MAPDA: variants seen among roughly 807,000 people sequenced by gnomAD.
The protein encoded by MAPDA is N6,N6-dimethyl-AMP deaminase.
the MAPDA span, among the ~76,000 whole-genome samples, chr15:43,349,773 T>C: frequency 1.3e-5 from 2 of 152,230 alleles, no homozygotes; most frequent in African/African-American, 4.8e-5. Context: ...ATGTTTTAAC[T>C]ATAGAGTTTT....
the MAPDA span, chr15:43,351,270 G>T: frequency 4.3e-6 from 2 of 464,454 alleles, no homozygotes; most frequent in Non-Finnish European, 7.7e-6. Flanking sequence ...AGGTTGCAGT[G>T]AGCAGAGATC....
chr15:43,334,664 T>TATATA, the MAPDA span, among the ~76,000 whole-genome samples: 25 of 121,874 alleles, frequency 2.1e-4, no homozygotes, highest in Non-Finnish European at 3.6e-4. Flanking sequence ...TATATATATA[T>TATATA]TTTATCCAAA....
chr15:43,337,086 G>A, the MAPDA span, among the ~76,000 whole-genome samples: 1 of 150,706 alleles, frequency 6.6e-6, no homozygotes, highest in Non-Finnish European at 1.5e-5. Context: ...GGCTAACACG[G>A]TGAAACCCTG....
the MAPDA span, chr15:43,343,176 C>A: frequency 2.6e-6 from 2 of 776,110 alleles, no homozygotes; most frequent in East Asian, 3.0e-5. Flanking sequence ...ATTAATCATT[C>A]ATTGATTTAT....
chr15:43,345,440 A>G, the MAPDA span, among the ~76,000 whole-genome samples: 1 of 152,176 alleles, frequency 6.6e-6, no homozygotes, highest in African/African-American at 2.4e-5. Flanking sequence ...TTTGTAGGAC[A>G]AACAACTTGG....
the MAPDA span, chr15:43,351,648 AAAG>A: frequency 1.8e-6 from 2 of 1,136,388 alleles, no homozygotes. Flanking sequence ...TAGACTCTTG[AAAG>A]AAGCATAGTA....
At chr15:43,350,336 C>T in the MAPDA span, among the ~76,000 whole-genome samples, 1 of 151,840 alleles carries the variant, frequency 6.6e-6, no homozygotes, top group Non-Finnish European at 1.5e-5. Flanking sequence ...CCTTGGCCTC[C>T]CAAATTGCTG....
chr15:43,347,533 C>T, the MAPDA span, among the ~76,000 whole-genome samples: 2 of 152,148 alleles, frequency 1.3e-5, no homozygotes, highest in Admixed American at 6.5e-5. Context: ...GTCCAGTGCC[C>T]CTCATCAGCC....
the MAPDA span, chr15:43,336,798 T>C: frequency 2.2e-5 from 18 of 813,280 alleles, no homozygotes; most frequent in African/African-American, 3.1e-4. Flanking sequence ...AAAAATGTTT[T>C]CTCTATTATG....
chr15:43,332,840 G>A, the MAPDA span, among the ~76,000 whole-genome samples: 1 of 152,120 alleles, frequency 6.6e-6, no homozygotes. Context: ...TATTGATGAA[G>A]TATTACTAAC....
At chr15:43,340,234 T>A in the MAPDA span, 1 of 1,591,214 alleles carries the variant, frequency 6.3e-7, no homozygotes. Flanking sequence ...CCAAACATTA[T>A]CAATATTGTG....
chr15:43,337,557 C>A, the MAPDA span, among the ~76,000 whole-genome samples: 1 of 152,104 alleles, frequency 6.6e-6, no homozygotes, highest in East Asian at 1.9e-4. Flanking sequence ...ACTAGGATGG[C>A]ATTTTAAAAT....
the MAPDA span, among the ~76,000 whole-genome samples, chr15:43,335,493 C>T: frequency 6.6e-6 from 1 of 152,130 alleles, no homozygotes; most frequent in South Asian, 2.1e-4. Flanking sequence ...GAGATCGCAC[C>T]AGTGTACTCC....
the MAPDA span, among the ~76,000 whole-genome samples, chr15:43,348,049 C>T: frequency 6.6e-6 from 1 of 152,314 alleles, no homozygotes; most frequent in South Asian, 2.1e-4. Flanking sequence ...GCCTTGTGTG[C>T]AACATCAGAA....
At chr15:43,335,706 C>T in the MAPDA span, 2 of 1,606,500 alleles carry the variant, frequency 1.2e-6, no homozygotes, top group East Asian at 4.5e-5. Context: ...GAACTTCATG[C>T]CCACTTGAAT....
At chr15:43,330,399 C>G in the MAPDA span, 1 of 1,579,334 alleles carries the variant, frequency 6.3e-7, no homozygotes, top group Admixed American at 2.0e-5. Context: ...TGCACGTACC[C>G]GCGCGCGGCC....
the MAPDA span, among the ~76,000 whole-genome samples, chr15:43,350,183 A>G: frequency 2.6e-5 from 4 of 151,768 alleles, no homozygotes; most frequent in African/African-American, 9.7e-5. Flanking sequence ...CTCCTTCCCC[A>G]GCCTCCTGAG....
chr15:43,352,875 T>C, the MAPDA span: 1 of 151,970 alleles, frequency 6.6e-6, no homozygotes, highest in Non-Finnish European at 1.5e-5. Flanking sequence ...GAAAGTGAAG[T>C]CATTGCTCCA....
the MAPDA span, chr15:43,349,033 C>T: frequency 1.1e-5 from 17 of 1,614,038 alleles, no homozygotes; most frequent in African/African-American, 9.3e-5. Context: ...GAGGCAACAT[C>T]GGATACCACT....
Sources: gnomAD v4.1 joint callset for allele counts (sites outside exome capture counted in the v4.1 genomes callset) on GRCh38, gnomAD v4.1.1 for gene constraint, MANE v1.5 for transcripts, NCBI Gene and HGNC (gene_info 2026-07-23, HGNC 2026-07-21) for gene names.